KNSTRN: variants seen among roughly 807,000 people sequenced by gnomAD.
The protein encoded by KNSTRN is kinetochore localized astrin (SPAG5) binding protein.
KNSTRN carries 38 observed loss-of-function variants against 44.7 expected under a neutral mutation model. The observed-to-expected ratio is 0.85, with a 90% confidence interval of 0.66 to 1.11. KNSTRN has a LOEUF of 1.11. KNSTRN is among the 50% of genes most tolerant of loss of function. The probability of loss-of-function intolerance (pLI) is 0.00; values close to 1 mark genes in which losing one functional copy is unlikely to be tolerated. For missense variants in KNSTRN, 406 were observed against 375.8 expected, an observed-to-expected ratio of 1.08 and a Z score of -0.66; for synonymous variants, 158 against 148.1, an observed-to-expected ratio of 1.07 and a Z score of -0.48.
chr15:40,384,532 CTG>C (rs1421999976), intron 2 of KNSTRN: 3 of 455,000 alleles, frequency 6.6e-6, no homozygotes, highest in African/African-American at 4.0e-5. Context: ...CTCTCAGCTG[CTG>C]TGTCTTTCCC....
In KNSTRN at chr15:40,393,677, A is replaced by G. The variant is rs766983922; in HGVS notation, c.*80A>G. ...TACTTAGGACATCATCTTGGCCATG[A>G]TCTTCTGGGACTCACCATCTCCAGA... On this transcript the variant is annotated 3_prime_UTR_variant, in exon 9 of 9. Transcript: ENST00000249776. The G allele has an allele frequency of 4.6e-6, 6 of 1,313,044 alleles. No individual in the cohort carries two copies. The highest frequency in any genetic ancestry group is 1.5e-5 in the African/African-American group (1 of 67,640). The allele number at this position is 1,313,044 out of a possible 1,614,324, so 81.3% of individuals were successfully genotyped here.
At chr15:40,391,407 C>A in intron 6 of KNSTRN, 86 bp from the exon 7 acceptor site, 2 of 1,064,118 alleles carry the variant, frequency 1.9e-6, no homozygotes, top group Non-Finnish European at 2.9e-6. Context: ...ATGAATATTT[C>A]TGTACTTGTC....
chr15:40,388,048 A>G (rs1369808302), intron 4 of KNSTRN, among the ~76,000 whole-genome samples: 4 of 152,168 alleles, frequency 2.6e-5, no homozygotes, highest in African/African-American at 9.7e-5. Flanking sequence ...ACTAGCAAAA[A>G]AGACTGAGAA....
rs776783739 is a variant in KNSTRN at position 40,382,947 on chromosome 15, A to G, written c.112A>G (p.Thr38Ala). The change falls in exon 1 of 9, where the codon ACC becomes GCC. Residue 38 changes from threonine to alanine, a missense_variant. Transcript: ENST00000249776. ...PPSYRKFLFE[T>A]QAADLAGGTT... ...TAGCTACCGGAAGTTTCTATTTGAAACCCAGGCGGCCGACTTAGCCGGTGG... is the reference window on the plus strand; with the variant it reads ...TAGCTACCGGAAGTTTCTATTTGAAGCCCAGGCGGCCGACTTAGCCGGTGG... 1 of 1,612,172 alleles carries G rather than the reference A, an allele frequency of 6.2e-7. No homozygotes were observed. The highest frequency in any genetic ancestry group is 2.2e-5 in the East Asian group (1 of 44,878).
At position 40,383,056 on chromosome 15, in the gene KNSTRN, C is replaced by T. The variant is rs1343430323; in HGVS notation, c.209+12C>T. On this transcript the variant is annotated intron_variant, in intron 1 of 8. Coordinates refer to ENST00000249776, the MANE Select transcript of KNSTRN (RefSeq NM_033286.4). Reference sequence around the variant, plus strand: ...CGGCGGGCTCCTGGGTTCGGCTCTCCCGGGGCGAGGGACTGGGCTGGATGG... The same window carrying T: ...CGGCGGGCTCCTGGGTTCGGCTCTCTCGGGGCGAGGGACTGGGCTGGATGG... 6.2e-7 allele frequency: 1 copy of T among 1,609,092 alleles called. No individual in the cohort carries two copies. The highest frequency in any genetic ancestry group is 8.5e-7 in the Non-Finnish European group (1 of 1,179,798).
At chr15:40,387,315 G>C in intron 4 of KNSTRN, 109 bp downstream of exon 4, 1 of 933,970 alleles carries the variant, frequency 1.1e-6, no homozygotes, top group Non-Finnish European at 1.7e-6. Context: ...TTAGGGTCTG[G>C]GTTCCACCTC....
Position 40,393,650 on chromosome 15 carries a change from G to T in KNSTRN, c.*53G>T. The T allele has an allele frequency of 6.5e-7, 1 of 1,534,074 alleles. No homozygotes were observed. Reference sequence around the variant, plus strand: ...TCTTGGGCATAAAATCTCAGAGGAAGCTACTTAGGACATCATCTTGGCCAT... The same window carrying T: ...TCTTGGGCATAAAATCTCAGAGGAATCTACTTAGGACATCATCTTGGCCAT... On this transcript the variant is annotated 3_prime_UTR_variant, in exon 9 of 9. Transcript: ENST00000249776.
chr15:40,388,363 C>G (rs1046126269), intron 4 of KNSTRN, among the ~76,000 whole-genome samples: 1 of 152,212 alleles, frequency 6.6e-6, no homozygotes, highest in Admixed American at 6.5e-5. Context: ...AGCAGGAACA[C>G]GCTCTTAAGA....
rs546543079 is a variant in KNSTRN, at chr15:40,383,108, G to A, written c.209+64G>A. 682 of 1,595,846 alleles carry A rather than the reference G, an allele frequency of 4.3e-4. 11 individuals are homozygous for A. The South Asian group carries it at 7.1e-3, about 17-fold the overall frequency. On this transcript the variant is annotated intron_variant, in intron 1 of 8. Coordinates refer to ENST00000249776, the MANE Select transcript of KNSTRN (RefSeq NM_033286.4). ...AGGAAGGACGGAATGAGCTGGGAAA[G>A]GAGGATTTTCTCTTTTCCAACCCCG...
intron 2 of KNSTRN, chr15:40,384,997 T>C (rs1227184386): frequency 6.6e-6 from 1 of 152,392 alleles, no homozygotes; most frequent in Admixed American, 6.5e-5. Flanking sequence ...GATTTGTTAT[T>C]GTTTAAAACT....
intron 2 of KNSTRN, among the ~76,000 whole-genome samples, chr15:40,385,558 C>A (rs1306121144): frequency 1.3e-5 from 2 of 152,166 alleles, no homozygotes; most frequent in South Asian, 2.1e-4. Context: ...AGTTATTGAA[C>A]CCCTGTTCAT....
chr15:40,383,143 C>T, intron 1 of KNSTRN, 85 bp from the exon 2 acceptor site: 3 of 1,581,642 alleles, frequency 1.9e-6, no homozygotes, highest in Non-Finnish European at 2.6e-6. Flanking sequence ...GAGCCGGGGC[C>T]TGTCGGGTCG....
chr15:40,387,543 T>A (rs1889923485), intron 4 of KNSTRN, among the ~76,000 whole-genome samples: 1 of 152,150 alleles, frequency 6.6e-6, no homozygotes, highest in South Asian at 2.1e-4. Context: ...TAGTTAGTGA[T>A]CTCGAGATGA....
rs1418260494 is a variant in KNSTRN at position 40,382,864 on chromosome 15, A to T, written c.29A>T (p.Asp10Val). The T allele has an allele frequency of 2.5e-6, 4 of 1,611,998 alleles. No individual in the cohort carries two copies. Among genetic ancestry groups the T allele is most frequent in the Non-Finnish European group, 3.4e-6 (4 of 1,179,912 alleles). The change falls in exon 1 of 9, where the codon GAC becomes GTC. Residue 10 changes from aspartate to valine, a missense_variant. By Grantham distance (152) the Asp-to-Val change is radical. Transcript: ENST00000249776. ...GCGGCTCCCGAAGCCCCGCCCCTGGACAGAGTTTTCCGTACAACATGGCTG... is the reference window on the plus strand; with the variant it reads ...GCGGCTCCCGAAGCCCCGCCCCTGGTCAGAGTTTTCCGTACAACATGGCTG... MAAPEAPPLDRVFRTTWLST... is the reference protein window; with the variant it reads MAAPEAPPLVRVFRTTWLST...
At chr15:40,389,153 C>CTT in intron 4 of KNSTRN, 1 of 399,846 alleles carries the variant, frequency 2.5e-6, no homozygotes, top group Non-Finnish European at 5.0e-6. Context: ...ATTTTTCTTT[C>CTT]TTTTTTTTTT....
chr15:40,382,782 C>T lies in KNSTRN; in HGVS notation c.-54C>T, dbSNP rs1889826750. On this transcript the variant is annotated 5_prime_UTR_variant, in exon 1 of 9. Coordinates refer to ENST00000249776, the MANE Select transcript of KNSTRN (RefSeq NM_033286.4). ...CCTCCTCTGCCCAGACCTGGGGGCT[C>T]CAACACCTTTCGCTAGGTCTGGCTC... 2.0e-6 allele frequency: 3 copies of T among 1,530,684 alleles called. No homozygotes were observed. Among genetic ancestry groups the T allele is most frequent in the Non-Finnish European group, 1.8e-6 (2 of 1,123,296 alleles). The allele number at this position is 1,530,684 out of a possible 1,614,324, so 94.8% of individuals were successfully genotyped here.
intron 8 of KNSTRN, chr15:40,393,060 G>A: frequency 2.6e-6 from 2 of 765,484 alleles, no homozygotes; most frequent in Non-Finnish European, 4.2e-6. Context: ...ACCAAGGCAT[G>A]AGGCAATGTG....
rs541891365 is a variant in KNSTRN at position 40,389,779 on chromosome 15, G to A, written c.592-57G>A. ...TGTCCAAGAGCAAGGGCAAGAAAGG[G>A]CAACCACCCCTAGGGAGTTGGACAA... On this transcript the variant is annotated intron_variant, in intron 5 of 8. Coordinates refer to ENST00000249776, the MANE Select transcript of KNSTRN (RefSeq NM_033286.4). 515 of 1,552,156 alleles carry A rather than the reference G, an allele frequency of 3.3e-4. 1 individual carries two copies. Among genetic ancestry groups the A allele is most frequent in the Non-Finnish European group, 3.7e-4 (414 of 1,124,082 alleles).
intron 4 of KNSTRN, 149 bp downstream of exon 4, chr15:40,387,355 G>A (rs750216040): frequency 1.1e-5 from 8 of 698,636 alleles, no homozygotes; most frequent in South Asian, 4.7e-5. Flanking sequence ...TCAGGGGTGA[G>A]GCACAGCTAG....
Sources: gnomAD v4.1 joint callset for allele counts (sites outside exome capture counted in the v4.1 genomes callset) on GRCh38, gnomAD v4.1.1 for gene constraint, MANE v1.5 for transcripts, NCBI Gene and HGNC (gene_info 2026-07-23, HGNC 2026-07-21) for gene names.